Variants in PHF20 observed in about 807,000 individuals in gnomAD.
PHF20 encodes glioma-expressed antigen 2.
A neutral mutation model predicts 113.5 loss-of-function variants in PHF20; 23 were observed. The ratio of observed to expected loss-of-function variants is 0.20; its 90% confidence interval spans 0.15 to 0.29. The LOEUF is 0.29. Ranked by LOEUF, PHF20 falls within the 10% of genes least tolerant of loss-of-function variation. The pLI is 1.00. For missense variants in PHF20, 943 were observed against 1,219.6 expected (o/e 0.77, Z 3.38); for synonymous variants, 434 against 457.3 (o/e 0.95, Z 0.65).
At chr20:35,933,487 C>T (rs530685065) in intron 15 of PHF20, among the ~76,000 whole-genome samples, 1 of 151,960 alleles carries the variant, frequency 6.6e-6, no homozygotes, top group Non-Finnish European at 1.5e-5. Flanking sequence ...AGCTCTGCCT[C>T]CTGGGTTCAC....
intron 14 of PHF20, 28 bp downstream of exon 14, chr20:35,927,907 A>G: frequency 6.8e-7 from 1 of 1,470,712 alleles, no homozygotes; most frequent in Non-Finnish European, 9.5e-7. Context: ...CAGGGATATA[A>G]CAGTATGTAG....
chr20:35,779,000 G>T (rs1156694380), intron 1 of PHF20, among the ~76,000 whole-genome samples: 1 of 151,902 alleles, frequency 6.6e-6, no homozygotes, highest in Non-Finnish European at 1.5e-5. Context: ...GGAGGGGCTT[G>T]GGATTTAAAC....
rs57769210 is a variant in PHF20 at position 35,813,933 on chromosome 20, GAAAAAAAAAAAA to G, written c.83+12341_83+12352del. ...GGTGACAGAGTGAGACTCCGTCTCA[GAAAAAAAAAAAA>G]AAAAAAAAAAAAGGAAATTGACCTC... On this transcript the variant is annotated intron_variant, in intron 2 of 17. Transcript: ENST00000374012. 5.2e-4 allele frequency among the ~76,000 whole-genome samples: 13 copies of G among 25,002 alleles called. No individual in the cohort carries two copies. The South Asian group carries it at 9.4e-3, about 18-fold the overall frequency. The allele number at this position is 25,002 out of a possible 152,430, so 16.4% of individuals were successfully genotyped here. A position where few individuals can be genotyped will look rare whatever the true frequency, so the allele number is the denominator to read the frequency against.
At chr20:35,853,013 A>G (rs1392437680) in intron 4 of PHF20, among the ~76,000 whole-genome samples, 3 of 147,490 alleles carry the variant, frequency 2.0e-5, no homozygotes, top group African/African-American at 7.5e-5. Context: ...ACCTGAGGTC[A>G]GGAGTTCAAG....
At chr20:35,789,854 C>A (rs1184442617) in intron 1 of PHF20, among the ~76,000 whole-genome samples, 1 of 103,454 alleles carries the variant, frequency 9.7e-6, no homozygotes, top group African/African-American at 4.0e-5. Flanking sequence ...CCCCCGCCCC[C>A]CCCCCCCCCT....
At chr20:35,787,223 A>G (rs1023037969) in intron 1 of PHF20, among the ~76,000 whole-genome samples, 4 of 151,810 alleles carry the variant, frequency 2.6e-5, no homozygotes, top group African/African-American at 9.7e-5. Context: ...CTTGTTGCCC[A>G]GGCTGCAGTG....
chr20:35,890,948 C>T (rs2054837703), intron 9 of PHF20, among the ~76,000 whole-genome samples: 3 of 152,158 alleles, frequency 2.0e-5, no homozygotes, highest in Non-Finnish European at 2.9e-5. Context: ...CTTTAACTGC[C>T]TCATGGAAAC....
intron 4 of PHF20, among the ~76,000 whole-genome samples, chr20:35,850,150 A>T (rs2042693643): frequency 6.6e-6 from 1 of 152,122 alleles, no homozygotes; most frequent in Admixed American, 6.6e-5. Context: ...AGGCAGCGGC[A>T]GTTGGTAGCC....
At chr20:35,941,156 T>C in intron 17 of PHF20, 109 bp downstream of exon 17, 2 of 795,154 alleles carry the variant, frequency 2.5e-6, no homozygotes, top group South Asian at 1.9e-5. Flanking sequence ...CTGTACTCTT[T>C]GCTTCTCTTC....
chr20:35,797,042 C>G (rs78949029), intron 1 of PHF20, among the ~76,000 whole-genome samples: 23,069 of 151,684 alleles, frequency 0.15, 1,778 homozygotes, highest in Middle Eastern at 0.18. Flanking sequence ...GTAGAGATGA[C>G]ATTTCACCAA....
At chr20:35,843,392 G>A (rs915062598) in intron 3 of PHF20, among the ~76,000 whole-genome samples, 6 of 150,774 alleles carry the variant, frequency 4.0e-5, no homozygotes, top group Middle Eastern at 3.4e-3. Context: ...AGTGGCGGGC[G>A]CCTGTAATAC....
intron 3 of PHF20, among the ~76,000 whole-genome samples, chr20:35,844,650 G>T: frequency 6.6e-6 from 1 of 150,644 alleles, no homozygotes; most frequent in Non-Finnish European, 1.5e-5. Context: ...TCCAAAGAGG[G>T]TTATCAACTT....
intron 5 of PHF20, among the ~76,000 whole-genome samples, chr20:35,861,281 A>G (rs2054214158): frequency 6.6e-6 from 1 of 152,204 alleles, no homozygotes; most frequent in Admixed American, 6.5e-5. Context: ...AAGCACAAAG[A>G]AAATAAAAAC....
chr20:35,938,001 A>G (rs1198217004), intron 15 of PHF20, among the ~76,000 whole-genome samples: 1 of 151,930 alleles, frequency 6.6e-6, no homozygotes, highest in Non-Finnish European at 1.5e-5. Flanking sequence ...CCTCCCAAGT[A>G]GCTGGGACAA....
rs1390339383 is a variant in PHF20 at position 35,887,632 on chromosome 20, C to T, written c.1283-11738C>T. ...CATGAAAGTGACATACTGTCTCCTT[C>T]GCCATATTCTGTTAGAGACAGGTTA... On this transcript the variant is annotated intron_variant, in intron 9 of 17. Coordinates refer to ENST00000374012, the MANE Select transcript of PHF20 (RefSeq NM_016436.5). 3.3e-5 allele frequency: 5 copies of T among 152,076 alleles called. No homozygotes were observed. The East Asian group carries it at 7.7e-4, about 23-fold the overall frequency. The allele number at this position is 152,076 out of a possible 1,614,324, so 9.4% of individuals were successfully genotyped here.
intron 13 of PHF20, 53 bp from the exon 14 acceptor site, chr20:35,927,727 G>A (rs2055670086): frequency 2.1e-6 from 3 of 1,405,844 alleles, no homozygotes; most frequent in East Asian, 4.6e-5. Flanking sequence ...TCTTACTTTT[G>A]GATGGAGAAC....
intron 9 of PHF20, among the ~76,000 whole-genome samples, chr20:35,878,172 T>C (rs2054565152): frequency 6.6e-6 from 1 of 152,160 alleles, no homozygotes; most frequent in Non-Finnish European, 1.5e-5. Context: ...AAGTATGTAT[T>C]GTGATGGAAA....
At chr20:35,809,005 C>T (rs1355863355) in intron 2 of PHF20, among the ~76,000 whole-genome samples, 1 of 151,818 alleles carries the variant, frequency 6.6e-6, no homozygotes, top group East Asian at 2.0e-4. Context: ...GTAATCCCAG[C>T]ACTTTGGGAG....
rs1356288508 is a variant in PHF20, at chr20:35,794,233, G to T, written c.-32-7258G>T. Among the ~76,000 whole-genome samples the T allele has an allele frequency of 2.6e-5, 4 of 151,220 alleles. No individual in the cohort carries two copies. The South Asian group carries it at 8.4e-4, about 32-fold the overall frequency. ...GAGAATCTCTTGAACCTGGGAGATG[G>T]AGGTTGCAGTGAGCCGAGATCGTGC... On this transcript the variant is annotated intron_variant, in intron 1 of 17. Transcript: ENST00000374012.
Sources: gnomAD v4.1 joint callset for allele counts (sites outside exome capture counted in the v4.1 genomes callset) on GRCh38, gnomAD v4.1.1 for gene constraint, MANE v1.5 for transcripts, NCBI Gene and HGNC (gene_info 2026-07-23, HGNC 2026-07-21) for gene names.